SLC24A3: variants seen among roughly 807,000 people sequenced by gnomAD.
The protein encoded by SLC24A3 is solute carrier family 24 member 3.
A neutral mutation model predicts 75.8 loss-of-function variants in SLC24A3; 28 were observed. The ratio of observed to expected loss-of-function variants is 0.37; its 90% CI spans 0.27 to 0.51. The LOEUF is 0.51. SLC24A3 is among the 20% of genes least tolerant of loss of function. The pLI is 0.94. For synonymous variants in SLC24A3, 372 were observed against 334.1 expected (o/e 1.11, Z -1.24); for missense variants, 663 against 847.8 (o/e 0.78, Z 2.71).
At position 19,721,566 on chromosome 20, in the gene SLC24A3, C is replaced by G. The variant is rs986643657; in HGVS notation, c.*426C>G. ...TAGAGAGGAGGGGGCCCGTTGATTACAGAGAGCATTTGGGATTTTGTTTGG... is the reference window on the plus strand; with the variant it reads ...TAGAGAGGAGGGGGCCCGTTGATTAGAGAGAGCATTTGGGATTTTGTTTGG... On this transcript the variant is annotated 3_prime_UTR_variant, in exon 17 of 17. Coordinates refer to ENST00000328041, the MANE Select transcript of SLC24A3 (RefSeq NM_020689.4). 3 of 160,652 alleles carry G rather than the reference C, an allele frequency of 1.9e-5. No homozygotes were observed. Among genetic ancestry groups the G allele is most frequent in the African/African-American group, 7.2e-5 (3 of 41,604 alleles). The allele number at this position is 160,652 out of a possible 1,614,324, so 10.0% of individuals were successfully genotyped here.
intron 3 of SLC24A3, among the ~76,000 whole-genome samples, chr20:19,553,277 G>A (rs1453858683): frequency 6.6e-6 from 1 of 152,068 alleles, no homozygotes; most frequent in Admixed American, 6.5e-5. Flanking sequence ...GTGCACCTTT[G>A]TGTGTGCACT....
chr20:19,611,322 T>C (rs1215278206), intron 6 of SLC24A3, among the ~76,000 whole-genome samples: 1 of 152,194 alleles, frequency 6.6e-6, no homozygotes, highest in Non-Finnish European at 1.5e-5. Flanking sequence ...AATCTATCAC[T>C]GGAGTGGTTC....
intron 2 of SLC24A3, among the ~76,000 whole-genome samples, chr20:19,499,385 C>T (rs1296593872): frequency 6.6e-6 from 1 of 152,184 alleles, no homozygotes; most frequent in Non-Finnish European, 1.5e-5. Context: ...CAAGAGCCTT[C>T]TTCTGGGTGA....
chr20:19,658,801 A>C (rs181337880), intron 7 of SLC24A3, among the ~76,000 whole-genome samples: 1 of 152,126 alleles, frequency 6.6e-6, no homozygotes, highest in East Asian at 1.9e-4. Flanking sequence ...GTGCCCATTC[A>C]CCCAACAGCC....
At chr20:19,323,173 T>G (rs1600428829) in intron 2 of SLC24A3, among the ~76,000 whole-genome samples, 1 of 124,932 alleles carries the variant, frequency 8.0e-6, no homozygotes, top group Non-Finnish European at 1.6e-5. Context: ...GCCACTGCAC[T>G]CCAGCCTGGG....
chr20:19,572,107 G>A (rs2031061550), intron 3 of SLC24A3, among the ~76,000 whole-genome samples: 1 of 152,200 alleles, frequency 6.6e-6, no homozygotes, highest in Non-Finnish European at 1.5e-5. Context: ...AAGGCTGAGA[G>A]GGGAGGATCG....
chr20:19,609,904 G>T (rs1016599344), intron 6 of SLC24A3, among the ~76,000 whole-genome samples: 1 of 152,208 alleles, frequency 6.6e-6, no homozygotes, highest in Non-Finnish European at 1.5e-5. Context: ...CTGGAACTTT[G>T]CAGTGTTTGC....
At chr20:19,382,054 C>T (rs1986192017) in intron 2 of SLC24A3, among the ~76,000 whole-genome samples, 1 of 152,184 alleles carries the variant, frequency 6.6e-6, no homozygotes, top group Non-Finnish European at 1.5e-5. Context: ...GCATCCTTTC[C>T]GATATTTAAT....
chr20:19,393,996 T>A (rs1986407463), intron 2 of SLC24A3, among the ~76,000 whole-genome samples: 1 of 152,194 alleles, frequency 6.6e-6, no homozygotes, highest in African/African-American at 2.4e-5. Flanking sequence ...GTGTAGTACT[T>A]GTGTAAAGAC....
intron 7 of SLC24A3, among the ~76,000 whole-genome samples, chr20:19,662,163 T>A (rs1484442960): frequency 6.6e-6 from 1 of 152,200 alleles, no homozygotes. Context: ...AGATCTGAGA[T>A]CCAGCTATCA....
intron 6 of SLC24A3, among the ~76,000 whole-genome samples, chr20:19,640,364 G>T (rs2032061781): frequency 6.6e-6 from 1 of 152,224 alleles, no homozygotes; most frequent in Non-Finnish European, 1.5e-5. Flanking sequence ...GGTGAGGAAG[G>T]CTGGGGTGAG....
At chr20:19,720,570 GC>G (rs968827023) in intron 16 of SLC24A3, among the ~76,000 whole-genome samples, 22 of 152,080 alleles carry the variant, frequency 1.4e-4, no homozygotes, top group African/African-American at 4.8e-4. Flanking sequence ...TCCAGACGCA[GC>G]CGTAGGAAGA....
chr20:19,383,420 A>G lies in SLC24A3; in HGVS notation c.271+102333A>G, dbSNP rs1175353469. ...ACTACCCCCAGGCAAAAACCGAATG[A>G]CCATTTATCCTGTGAAATGTCCTGA... On this transcript the variant is annotated intron_variant, in intron 2 of 16. Transcript: ENST00000328041. 4.6e-5 allele frequency among the ~76,000 whole-genome samples: 7 copies of G among 152,228 alleles called. No homozygotes were observed. In the South Asian group the frequency reaches 1.2e-3, roughly 27 times the overall value.
At chr20:19,679,173 G>A (rs1031831921) in intron 9 of SLC24A3, among the ~76,000 whole-genome samples, 11 of 151,920 alleles carry the variant, frequency 7.2e-5, no homozygotes, top group African/African-American at 2.4e-4. Flanking sequence ...GGAGGTTGTA[G>A]CAAGCCGAGA....
At chr20:19,421,899 G>A (rs1487002595) in intron 2 of SLC24A3, among the ~76,000 whole-genome samples, 1 of 152,174 alleles carries the variant, frequency 6.6e-6, no homozygotes, top group Non-Finnish European at 1.5e-5. Context: ...AGTTTTGCCA[G>A]GGAACTCTTC....
At chr20:19,318,753 T>C (rs1984639880) in intron 2 of SLC24A3, among the ~76,000 whole-genome samples, 1 of 152,066 alleles carries the variant, frequency 6.6e-6, no homozygotes, top group African/African-American at 2.4e-5. Context: ...CGTGGGATGC[T>C]CTTCAGGGCT....
intron 1 of SLC24A3, among the ~76,000 whole-genome samples, chr20:19,214,056 G>A (rs943687207): frequency 2.6e-5 from 4 of 152,234 alleles, no homozygotes; most frequent in African/African-American, 9.6e-5. Flanking sequence ...CATTTTGATA[G>A]TCACCGTAAA....
At chr20:19,448,206 G>T (rs1348318821) in intron 2 of SLC24A3, among the ~76,000 whole-genome samples, 1 of 152,204 alleles carries the variant, frequency 6.6e-6, no homozygotes, top group Non-Finnish European at 1.5e-5. Context: ...GTAGTTCAGA[G>T]CCAGACACAG....
In SLC24A3 at chr20:19,685,165, A is replaced by T; in HGVS notation, c.1128A>T (p.Pro376=). ...AATCTGAGGTGGCCATCAAAATCCC[A>T]ATTAAGCACACCGTGGAGAATGGGA... ...NGESEVAIKI[P]IKHTVENGTG... is the part of the protein sequence containing the mutation. The change falls in exon 12 of 17, where the codon CCA becomes CCT. Residue 376 remains proline, a synonymous_variant. Coordinates refer to ENST00000328041, the MANE Select transcript of SLC24A3 (RefSeq NM_020689.4). The T allele has an allele frequency of 6.2e-7, 1 of 1,614,104 alleles. No homozygotes were observed. Among genetic ancestry groups the T allele is most frequent in the Non-Finnish European group, 8.5e-7 (1 of 1,179,994 alleles).
Sources: allele counts gnomAD v4.1 joint callset (sites outside exome capture counted in the v4.1 genomes callset), GRCh38; gene constraint gnomAD v4.1.1; transcripts MANE v1.5; gene names NCBI Gene and HGNC (gene_info 2026-07-23, HGNC 2026-07-21).